Variants in SLC25A21 observed in about 807,000 individuals in gnomAD.
SLC25A21 encodes solute carrier family 25 member 21.
In SLC25A21, 47 loss-of-function variants were observed where a neutral mutation model predicts 43.8. That is an observed-to-expected ratio of 1.07 (90% CI 0.85 to 1.37). The LOEUF (loss-of-function observed/expected upper bound fraction) is 1.37, where lower values mean the gene tolerates loss of function less well. SLC25A21 is among the 40% of genes most tolerant of loss of function. SLC25A21 has a pLI of 0.00. For missense variants in SLC25A21, 352 were observed against 350.2 expected, an observed-to-expected ratio of 1.00 and a Z score of -0.04; for synonymous variants, 131 against 121.3, an observed-to-expected ratio of 1.08 and a Z score of -0.52.
intron 7 of SLC25A21, among the ~76,000 whole-genome samples, chr14:36,686,176 A>G (rs1269132773): frequency 6.6e-6 from 1 of 152,178 alleles, no homozygotes; most frequent in Non-Finnish European, 1.5e-5. Context: ...CCATCACAGA[A>G]ACTCCTATGT....
chr14:37,031,811 A>T (rs1170537998), intron 1 of SLC25A21, among the ~76,000 whole-genome samples: 2 of 152,208 alleles, frequency 1.3e-5, no homozygotes, highest in Non-Finnish European at 2.9e-5. Context: ...AGATGAAAGG[A>T]CTCACCCAAG....
chr14:36,810,501 A>AT (rs767890666), intron 3 of SLC25A21, among the ~76,000 whole-genome samples: 1 of 152,202 alleles, frequency 6.6e-6, no homozygotes, highest in Non-Finnish European at 1.5e-5. Flanking sequence ...GGTTTATATT[A>AT]TCAACGTAGG....
intron 1 of SLC25A21, among the ~76,000 whole-genome samples, chr14:36,909,823 A>G (rs8010615): frequency 0.17 from 25,201 of 152,188 alleles, 2,481 homozygotes; most frequent in South Asian, 0.24. Flanking sequence ...TCAGTAAACC[A>G]CCTACAAGTA....
At chr14:36,853,142 ATAAT>A (rs889845849) in intron 2 of SLC25A21, among the ~76,000 whole-genome samples, 11 of 152,216 alleles carry the variant, frequency 7.2e-5, no homozygotes, top group African/African-American at 2.4e-4. Flanking sequence ...GGGAAATGGG[ATAAT>A]TAAATTGTTC....
rs750237396 is a variant in SLC25A21, at chr14:36,986,785, G to GT, written c.71-111782dup. On this transcript the variant is annotated intron_variant, in intron 1 of 9. Coordinates refer to ENST00000331299, the MANE Select transcript of SLC25A21 (RefSeq NM_030631.4). The stretch of plus-strand genomic sequence containing the variant: ...GTGTTCTTTGTTTCTTTATTTCTTT[G>GT]TTTTTTGCCCTTAACGACTTCCCCC... Among the ~76,000 whole-genome samples the GT allele has an allele frequency of 4.6e-5, 7 of 152,096 alleles. No homozygotes were observed. In the South Asian group the frequency reaches 1.0e-3, roughly 23 times the overall value.
Position 36,843,117 on chromosome 14 carries a change from GCTGCTCATCTC to G in SLC25A21, c.120-29127_120-29117del, listed in dbSNP as rs553317756. On this transcript the variant is annotated intron_variant, in intron 2 of 9. Transcript: ENST00000331299. Reference sequence around the variant, plus strand: ...CTCAGGTGGTAATGCTCATTCACCTGCTGCTCATCTCCTGCTGTACAGCCTAGTTCCTAACA... The same window carrying G: ...CTCAGGTGGTAATGCTCATTCACCTGCTGCTGTACAGCCTAGTTCCTAACA... 8.3e-4 allele frequency among the ~76,000 whole-genome samples: 127 copies of G among 152,296 alleles called. 1 individual carries two copies. Among genetic ancestry groups the G allele is most frequent in the African/African-American group, 3.0e-3 (124 of 41,574 alleles).
intron 7 of SLC25A21, among the ~76,000 whole-genome samples, chr14:36,692,290 C>T (rs1039685357): frequency 7.9e-5 from 12 of 152,118 alleles, no homozygotes; most frequent in East Asian, 5.8e-4. Flanking sequence ...GATCCCAAAA[C>T]GCTGGCGGCT....
intron 1 of SLC25A21, among the ~76,000 whole-genome samples, chr14:37,090,436 A>G (rs1471490713): frequency 1.3e-5 from 2 of 152,228 alleles, no homozygotes; most frequent in African/African-American, 4.8e-5. Flanking sequence ...ATGCTGTTGC[A>G]GCTCAAAGCT....
At chr14:36,704,987 A>T (rs960361910) in intron 7 of SLC25A21, among the ~76,000 whole-genome samples, 7 of 152,202 alleles carry the variant, frequency 4.6e-5, no homozygotes, top group Non-Finnish European at 7.3e-5. Context: ...ACCATAGATC[A>T]CTAATCTGAA....
At chr14:36,689,678 T>C (rs1882711224) in intron 7 of SLC25A21, among the ~76,000 whole-genome samples, 1 of 152,174 alleles carries the variant, frequency 6.6e-6, no homozygotes, top group Non-Finnish European at 1.5e-5. Flanking sequence ...TCAAAGTGTG[T>C]TCCCCACACC....
intron 1 of SLC25A21, among the ~76,000 whole-genome samples, chr14:37,116,248 T>G (rs750269250): frequency 2.6e-5 from 4 of 152,218 alleles, no homozygotes; most frequent in Non-Finnish European, 5.9e-5. Flanking sequence ...CAAGATGAGC[T>G]TGGTACCACA....
chr14:37,055,568 TG>T (rs1264241010), intron 1 of SLC25A21, among the ~76,000 whole-genome samples: 1 of 152,140 alleles, frequency 6.6e-6, no homozygotes. Flanking sequence ...ACATTCTTTC[TG>T]GTGGGCCTGA....
At chr14:36,813,125 GC>G (rs1264974561) in intron 3 of SLC25A21, among the ~76,000 whole-genome samples, 4 of 151,954 alleles carry the variant, frequency 2.6e-5, no homozygotes, top group Non-Finnish European at 5.9e-5. Context: ...TGCAGAACGT[GC>G]AGGTTTGTTA....
At chr14:36,714,923 A>G (rs1022134589) in intron 6 of SLC25A21, among the ~76,000 whole-genome samples, 6 of 152,130 alleles carry the variant, frequency 3.9e-5, no homozygotes, top group Non-Finnish European at 2.9e-5. Context: ...AACATATCTG[A>G]TTGCTTCTCT....
chr14:36,930,806 C>T (rs1892266559), intron 1 of SLC25A21, among the ~76,000 whole-genome samples: 1 of 152,120 alleles, frequency 6.6e-6, no homozygotes, highest in Non-Finnish European at 1.5e-5. Flanking sequence ...CAAGTGTCAT[C>T]CCCTGCCTCA....
At chr14:37,023,987 T>C (rs778142249) in intron 1 of SLC25A21, among the ~76,000 whole-genome samples, 1 of 152,108 alleles carries the variant, frequency 6.6e-6, no homozygotes, top group African/African-American at 2.4e-5. Context: ...ATTTCCTGAA[T>C]TGAACTGTAC....
At chr14:36,793,328 T>C (rs1275285300) in intron 3 of SLC25A21, among the ~76,000 whole-genome samples, 1 of 152,168 alleles carries the variant, frequency 6.6e-6, no homozygotes, top group Non-Finnish European at 1.5e-5. Context: ...AAATTGTTTT[T>C]GTCCCTGGAA....
chr14:37,054,000 G>C (rs912627646), intron 1 of SLC25A21, among the ~76,000 whole-genome samples: 1 of 152,192 alleles, frequency 6.6e-6, no homozygotes, highest in South Asian at 2.1e-4. Flanking sequence ...CTCCCATTGA[G>C]AGGTAAAATG....
Position 36,906,071 on chromosome 14 carries a change from A to T in SLC25A21, c.71-31067T>A, listed in dbSNP as rs1395446762. On this transcript the variant is annotated intron_variant, in intron 1 of 9. Coordinates refer to ENST00000331299, the MANE Select transcript of SLC25A21 (RefSeq NM_030631.4). ...TAAAGAGGTAAATGTAGGTAATCAG[A>T]TTATAAAAGGTACTATTTGGGAGGT... Among the ~76,000 whole-genome samples the T allele has an allele frequency of 4.6e-5, 7 of 152,302 alleles. No individual in the cohort carries two copies. The South Asian group carries it at 1.4e-3, about 32-fold the overall frequency.
Sources: gnomAD v4.1 joint callset for allele counts (sites outside exome capture counted in the v4.1 genomes callset) on GRCh38, gnomAD v4.1.1 for gene constraint, MANE v1.5 for transcripts, NCBI Gene and HGNC (gene_info 2026-07-23, HGNC 2026-07-21) for gene names.